ATP8B4: variants seen among roughly 807,000 people sequenced by gnomAD.
ATP8B4 encodes the protein ATPase phospholipid transporting 8B4 (putative).
ATP8B4 carries 133 observed loss-of-function variants against 145.6 expected under a neutral mutation model. That is an observed-to-expected ratio of 0.91 (90% CI 0.79 to 1.05). The LOEUF is 1.05. ATP8B4 is among the 50% of genes least tolerant of loss of function. The pLI is 0.00. For missense variants in ATP8B4, 1,458 were observed against 1,425.2 expected (o/e 1.02, Z -0.37); for synonymous variants, 507 against 492.9 (o/e 1.03, Z -0.38).
intron 14 of ATP8B4, among the ~76,000 whole-genome samples, chr15:49,943,175 G>A (rs552683326): frequency 1.2e-4 from 18 of 151,790 alleles, no homozygotes; most frequent in Non-Finnish European, 1.8e-4. Context: ...CCAGTTAAGG[G>A]GAAAAAAGAG....
chr15:49,976,049 T>C (rs1051560428), intron 12 of ATP8B4, among the ~76,000 whole-genome samples: 4 of 152,158 alleles, frequency 2.6e-5, no homozygotes, highest in Admixed American at 2.6e-4. Context: ...GTTCTAAAAG[T>C]ACATGACATA....
intron 1 of ATP8B4, among the ~76,000 whole-genome samples, chr15:50,172,681 C>G (rs1289861071): frequency 6.6e-6 from 1 of 152,036 alleles, no homozygotes; most frequent in Non-Finnish European, 1.5e-5. Flanking sequence ...CGGCCGTCAT[C>G]CCATCTAGGA....
intron 20 of ATP8B4, among the ~76,000 whole-genome samples, chr15:49,910,504 C>T (rs1457761104): frequency 6.6e-6 from 1 of 152,104 alleles, no homozygotes; most frequent in African/African-American, 2.4e-5. Context: ...CAGCAATCCC[C>T]AAACAGGTAC....
chr15:50,044,245 G>T (rs1239682313), intron 5 of ATP8B4, among the ~76,000 whole-genome samples: 1 of 152,110 alleles, frequency 6.6e-6, no homozygotes, highest in Non-Finnish European at 1.5e-5. Flanking sequence ...CTTAAACAAA[G>T]ACATGTGATA....
intron 23 of ATP8B4, among the ~76,000 whole-genome samples, chr15:49,882,101 G>C (rs1440680516): frequency 6.6e-6 from 1 of 151,974 alleles, no homozygotes; most frequent in Non-Finnish European, 1.5e-5. Flanking sequence ...AGAGTAGGAA[G>C]GGTTTCATCA....
chr15:49,917,652 C>T (rs908375302), intron 19 of ATP8B4, among the ~76,000 whole-genome samples: 12 of 152,244 alleles, frequency 7.9e-5, no homozygotes, highest in African/African-American at 2.9e-4. Flanking sequence ...TTGGGTAATT[C>T]TTCCTCTAAT....
chr15:50,096,924 C>T (rs1455465162), intron 2 of ATP8B4, among the ~76,000 whole-genome samples: 1 of 152,124 alleles, frequency 6.6e-6, no homozygotes, highest in East Asian at 1.9e-4. Flanking sequence ...GTGAAGCCAG[C>T]ACTGTCTTAT....
intron 21 of ATP8B4, 87 bp downstream of exon 21, chr15:49,901,005 G>C: frequency 6.8e-7 from 1 of 1,480,332 alleles, no homozygotes; most frequent in African/African-American, 1.4e-5. Flanking sequence ...GTCTGGAAAA[G>C]ACAAAGGAGG....
At chr15:50,016,410 C>G (rs1203287956) in intron 6 of ATP8B4, among the ~76,000 whole-genome samples, 1 of 152,158 alleles carries the variant, frequency 6.6e-6, no homozygotes, top group African/African-American at 2.4e-5. Context: ...GAAAACAGAG[C>G]TATTGGTCTA....
intron 10 of ATP8B4, among the ~76,000 whole-genome samples, chr15:49,983,240 G>A (rs2046308104): frequency 6.6e-6 from 1 of 152,056 alleles, no homozygotes; most frequent in African/African-American, 2.4e-5. Flanking sequence ...GTATTTTGTT[G>A]CCTGTATATT....
rs2031086345 is a variant in ATP8B4 at position 49,858,518 on chromosome 15, T to C, written c.*1676A>G. ...TTTAAAAAATTGTGACCTATAGATA[T>C]CACATTAGCTCATTATCCATCAAAC... On this transcript the variant is annotated 3_prime_UTR_variant, in exon 28 of 28. Transcript: ENST00000284509. 1 of 152,198 alleles carries C rather than the reference T, an allele frequency of 6.6e-6. No homozygotes were observed. The highest frequency in any genetic ancestry group is 6.5e-5 in the Admixed American group (1 of 15,280). 9.4% of individuals were successfully genotyped at this position (152,198 alleles called of 1,614,324 possible).
At chr15:49,862,829 C>T (rs548964729) in intron 26 of ATP8B4, among the ~76,000 whole-genome samples, 7 of 152,272 alleles carry the variant, frequency 4.6e-5, no homozygotes, top group African/African-American at 9.6e-5. Context: ...GTGCTAAGAT[C>T]ACCCTCAGGA....
chr15:50,023,971 T>C (rs1443636389), intron 6 of ATP8B4, among the ~76,000 whole-genome samples: 1 of 152,066 alleles, frequency 6.6e-6, no homozygotes, highest in Non-Finnish European at 1.5e-5. Context: ...CATGTACCTT[T>C]TCTCATTTTT....
intron 1 of ATP8B4, among the ~76,000 whole-genome samples, chr15:50,141,055 C>G (rs1408543414): frequency 6.6e-6 from 1 of 152,100 alleles, no homozygotes; most frequent in Non-Finnish European, 1.5e-5. Flanking sequence ...ATCTGTGACT[C>G]TGGTATGCTC....
intron 25 of ATP8B4, among the ~76,000 whole-genome samples, chr15:49,875,671 A>T (rs966882496): frequency 6.6e-6 from 1 of 152,172 alleles, no homozygotes; most frequent in African/African-American, 2.4e-5. Flanking sequence ...CCTCTCAAGA[A>T]ATAAAAGTTT....
rs367737890 is a variant in ATP8B4 at position 49,923,366 on chromosome 15, C to T, written c.1758+13G>A. On this transcript the variant is annotated intron_variant, in intron 17 of 27. Coordinates refer to ENST00000284509, the MANE Select transcript of ATP8B4 (RefSeq NM_024837.4). Reference sequence around the variant, plus strand: ...AAGGGCCATTGTGCTAACCTTAAGACGGAGGCACTTACACTGAGGTGGTCT... The same window carrying T: ...AAGGGCCATTGTGCTAACCTTAAGATGGAGGCACTTACACTGAGGTGGTCT... 83 of 1,573,560 alleles carry T rather than the reference C, an allele frequency of 5.3e-5. 1 individual carries two copies. Among genetic ancestry groups the T allele is most frequent in the African/African-American group, 1.9e-4 (14 of 73,870 alleles).
intron 21 of ATP8B4, among the ~76,000 whole-genome samples, chr15:49,898,707 T>C (rs539066334): frequency 1.3e-5 from 2 of 152,306 alleles, no homozygotes; most frequent in Admixed American, 1.3e-4. Context: ...ATATTTAGTT[T>C]GTTGTGATTG....
At chr15:49,937,667 T>G (rs1360661654) in intron 14 of ATP8B4, among the ~76,000 whole-genome samples, 1 of 152,184 alleles carries the variant, frequency 6.6e-6, no homozygotes, top group South Asian at 2.1e-4. Context: ...AGCCAACTAT[T>G]AAGATATTTG....
chr15:50,141,270 T>C (rs1028166836), intron 1 of ATP8B4, among the ~76,000 whole-genome samples: 19 of 151,954 alleles, frequency 1.3e-4, no homozygotes, highest in African/African-American at 4.4e-4. Context: ...TGCTAACTGA[T>C]TAATACCACC....
Sources: allele counts gnomAD v4.1 joint callset (sites outside exome capture counted in the v4.1 genomes callset), GRCh38; gene constraint gnomAD v4.1.1; transcripts MANE v1.5; gene names NCBI Gene and HGNC (gene_info 2026-07-23, HGNC 2026-07-21).